The following GDAP1 variants were observed in gnomAD, a reference collection of about 807,000 sequenced individuals.
GDAP1 encodes the protein ganglioside induced differentiation associated protein 1.
Under a neutral mutation model 40.1 loss-of-function variants are expected in GDAP1, and 34 were observed. The observed-to-expected ratio is 0.85, with a 90% CI of 0.64 to 1.13. The LOEUF (loss-of-function observed/expected upper bound fraction) is 1.13, where lower values mean the gene tolerates loss of function less well. Ranked by LOEUF, GDAP1 falls within the 50% of genes most tolerant of loss-of-function variation. The pLI is 0.00. For missense variants in GDAP1, 374 were observed against 433.7 expected, an observed-to-expected ratio of 0.86 and a Z score of 1.22; for synonymous variants, 170 against 157.4, an observed-to-expected ratio of 1.08 and a Z score of -0.60.
At chr8:74,410,507 T>C (rs1417994545) in intron 2 of GDAP1, among the ~76,000 whole-genome samples, 1 of 150,228 alleles carries the variant, frequency 6.7e-6, no homozygotes, top group Non-Finnish European at 1.5e-5. Flanking sequence ...CCAGCATTAC[T>C]TGGGATATTT....
chr8:74,425,769 C>T (rs1344408702), intron 2 of GDAP1, among the ~76,000 whole-genome samples: 2 of 152,154 alleles, frequency 1.3e-5, no homozygotes, highest in Non-Finnish European at 2.9e-5. Flanking sequence ...GCTAACAATT[C>T]CTATCTCTAG....
intron 2 of GDAP1, among the ~76,000 whole-genome samples, chr8:74,488,263 A>C (rs535176436): frequency 6.6e-6 from 1 of 152,228 alleles, no homozygotes; most frequent in East Asian, 1.9e-4. Flanking sequence ...TTTTCTACGG[A>C]AGTTATTGGT....
At chr8:74,379,500 C>T (rs570864202) in intron 2 of GDAP1, among the ~76,000 whole-genome samples, 1 of 152,264 alleles carries the variant, frequency 6.6e-6, no homozygotes, top group East Asian at 1.9e-4. Context: ...AGGACCCCTA[C>T]TTGTAGCTGC....
At position 74,363,951 on chromosome 8, in the gene GDAP1, G is replaced by A. The variant is rs748517855; in HGVS notation, c.695-34G>A. On this transcript the variant is annotated intron_variant, in intron 5 of 5. Transcript: ENST00000220822. The stretch of plus-strand genomic sequence containing the variant: ...GCTGGAGTCTGTCTGTAGAGTGCTT[G>A]CCTCTAATTCTCTATGTCCCTTTCT... 5.6e-6 allele frequency: 9 copies of A among 1,603,774 alleles called. No homozygotes were observed. In the East Asian group the frequency reaches 2.0e-4, roughly 36 times the overall value.
intron 2 of GDAP1, among the ~76,000 whole-genome samples, chr8:74,399,018 G>A (rs2131547484): frequency 6.6e-6 from 1 of 151,894 alleles, no homozygotes; most frequent in Non-Finnish European, 1.5e-5. Flanking sequence ...CTCTTTTTTG[G>A]TTGTGTCTCT....
rs76709398 is a variant in GDAP1 at position 74,417,453 on chromosome 8, C to A, written c.165+66132C>A. ...GAGAAAAAATAAAAGTGTCCCAATT[C>A]ATAGATGCTATGATTGTTAGTGTAG... On this transcript the variant is annotated intron_variant, in intron 2 of 2. Coordinates refer to the GDAP1 transcript ENST00000523640. Among the ~76,000 whole-genome samples, 907 of 150,216 alleles carry A rather than the reference C, an allele frequency of 6.0e-3. 95 individuals are homozygous for A. Among genetic ancestry groups the A allele is most frequent in the African/African-American group, 0.021 (846 of 39,554 alleles).
intron 2 of GDAP1, among the ~76,000 whole-genome samples, chr8:74,426,937 T>C (rs1203171531): frequency 6.6e-6 from 1 of 152,186 alleles, no homozygotes; most frequent in African/African-American, 2.4e-5. Flanking sequence ...TACTTTGAGC[T>C]TAGACCTATG....
chr8:74,465,500 T>C (rs1385404313), intron 2 of GDAP1, among the ~76,000 whole-genome samples: 4 of 152,210 alleles, frequency 2.6e-5, no homozygotes, highest in Admixed American at 2.6e-4. Flanking sequence ...GATGATAGCC[T>C]GATAGGTTCT....
intron 2 of GDAP1, among the ~76,000 whole-genome samples, chr8:74,437,405 A>C (rs1473224530): frequency 2.0e-5 from 3 of 152,168 alleles, no homozygotes; most frequent in Non-Finnish European, 2.9e-5. Context: ...CACACTATCA[A>C]ATTATATTAG....
chr8:74,450,330 A>G (rs532684986), intron 2 of GDAP1, among the ~76,000 whole-genome samples: 3 of 151,964 alleles, frequency 2.0e-5, no homozygotes, highest in Non-Finnish European at 4.4e-5. Context: ...TGTAGTTTTA[A>G]TGTTCTATAA....
chr8:74,438,802 A>G (rs940863101), intron 2 of GDAP1, among the ~76,000 whole-genome samples: 10 of 152,078 alleles, frequency 6.6e-5, no homozygotes, highest in African/African-American at 2.4e-4. Flanking sequence ...AGATCTTGCT[A>G]TGTTGCCCAG....
chr8:74,382,003 T>G (rs1809961976), intron 2 of GDAP1, among the ~76,000 whole-genome samples: 1 of 152,084 alleles, frequency 6.6e-6, no homozygotes, highest in East Asian at 1.9e-4. Context: ...TACCAAACTT[T>G]TTTTTTTCCT....
chr8:74,374,348 G>A (rs1469168068), intron 2 of GDAP1, among the ~76,000 whole-genome samples: 1 of 152,138 alleles, frequency 6.6e-6, no homozygotes, highest in African/African-American at 2.4e-5. Flanking sequence ...GCTCTTCCTT[G>A]TACCTCCGGT....
At chr8:74,483,581 AT>A (rs1806739588) in intron 2 of GDAP1, among the ~76,000 whole-genome samples, 1 of 152,170 alleles carries the variant, frequency 6.6e-6, no homozygotes, top group African/African-American at 2.4e-5. Flanking sequence ...ATAGGGTTAT[AT>A]ACATTTAAAG....
rs1262976344 is a variant in GDAP1, at chr8:74,363,973, T to G, written c.695-12T>G. Reference sequence around the variant, plus strand: ...CTTGCCTCTAATTCTCTATGTCCCTTTCTCTAATTAGAAGAGGGCCAGCAA... The same window carrying G: ...CTTGCCTCTAATTCTCTATGTCCCTGTCTCTAATTAGAAGAGGGCCAGCAA... On this transcript the variant is annotated splice_polypyrimidine_tract_variant and intron_variant, in intron 5 of 5. Coordinates refer to ENST00000220822, the MANE Select transcript of GDAP1 (RefSeq NM_018972.4). 3 of 1,613,178 alleles carry G rather than the reference T, an allele frequency of 1.9e-6. No homozygotes were observed. Among genetic ancestry groups the G allele is most frequent in the Admixed American group, 3.3e-5 (2 of 60,012 alleles).
chr8:74,486,197 T>C (rs938802930), intron 2 of GDAP1, among the ~76,000 whole-genome samples: 3 of 152,194 alleles, frequency 2.0e-5, no homozygotes, highest in Non-Finnish European at 2.9e-5. Flanking sequence ...ATGACATGTC[T>C]CTTCTCTGGG....
chr8:74,484,596 T>C (rs1586849757), intron 2 of GDAP1, among the ~76,000 whole-genome samples: 2 of 152,278 alleles, frequency 1.3e-5, no homozygotes, highest in Admixed American at 1.3e-4. Context: ...AATGGATGAA[T>C]ATGCTTTTCC....
chr8:74,483,360 T>G (rs1428089895), intron 2 of GDAP1, among the ~76,000 whole-genome samples: 1 of 152,112 alleles, frequency 6.6e-6, no homozygotes, highest in East Asian at 1.9e-4. Flanking sequence ...ACACAGACTA[T>G]TAGGTTGGTG....
intron 2 of GDAP1, among the ~76,000 whole-genome samples, chr8:74,430,021 G>A (rs1806006196): frequency 6.6e-6 from 1 of 152,100 alleles, no homozygotes; most frequent in African/African-American, 2.4e-5. Flanking sequence ...GAAAGATGTG[G>A]TTGAGAGAAA....
Sources: gnomAD v4.1 joint callset for allele counts (sites outside exome capture counted in the v4.1 genomes callset) on GRCh38, gnomAD v4.1.1 for gene constraint, MANE v1.5 for transcripts, NCBI Gene and HGNC (gene_info 2026-07-23, HGNC 2026-07-21) for gene names.